The following FSD1 variants were observed in gnomAD, a reference collection of about 807,000 sequenced individuals.
FSD1 encodes fibronectin type III and SPRY domain containing 1.
In FSD1, 23 loss-of-function variants were observed where a neutral mutation model predicts 58.2. That is an observed-to-expected ratio of 0.40 (90% CI 0.28 to 0.56). FSD1 has a LOEUF of 0.56. FSD1 is among the 20% of genes least tolerant of loss of function. FSD1 has a pLI of 0.54. For synonymous variants in FSD1, 265 were observed against 263.4 expected (o/e 1.01, Z -0.06); for missense variants, 563 against 670.8 (o/e 0.84, Z 1.78).
chr19:4,317,250 T>C lies in FSD1; in HGVS notation c.769T>C (p.Phe257Leu), dbSNP rs889054088. The C allele has an allele frequency of 6.2e-7, 1 of 1,612,012 alleles. No individual in the cohort carries two copies. The highest frequency in any genetic ancestry group is 8.5e-7 in the Non-Finnish European group (1 of 1,178,348). ...CTGTAACAAGGCAGTTGCAGGAGAG[T>C]TCTCTGAGCCGGTGACTCTGGAGAC... ...KACNKAVAGE[F>L]SEPVTLETPA... The change falls in exon 8 of 13, where the codon TTC becomes CTC. Residue 257 changes from phenylalanine to leucine, a missense_variant. By Grantham distance (22) the Phe-to-Leu change is conservative (BLOSUM62 0). Transcript: ENST00000221856.
Position 4,323,480 on chromosome 19 carries a change from G to C in FSD1, c.1380+44G>C, listed in dbSNP as rs369222277. 45 of 1,599,838 alleles carry C rather than the reference G, an allele frequency of 2.8e-5. No homozygotes were observed. Among genetic ancestry groups the C allele is most frequent in the Non-Finnish European group, 3.9e-5 (45 of 1,168,786 alleles). On this transcript the variant is annotated intron_variant, in intron 12 of 12. Coordinates refer to ENST00000221856, the MANE Select transcript of FSD1 (RefSeq NM_024333.3). The surrounding 1 kb of genome is among the most constrained non-coding windows in gnomAD (Gnocchi z 7.7). Reference sequence around the variant, plus strand: ...CCCAGGGGGAGGAGAGGGTGGTGCTGGGCGCTGGGGTTTGAAGCTGAGCCC... The same window carrying C: ...CCCAGGGGGAGGAGAGGGTGGTGCTCGGCGCTGGGGTTTGAAGCTGAGCCC...
At chr19:4,308,327 G>C (rs539907136) in intron 4 of FSD1, among the ~76,000 whole-genome samples, 41 of 152,328 alleles carry the variant, frequency 2.7e-4, no homozygotes, top group Admixed American at 2.3e-3. Flanking sequence ...AGAATCGCTT[G>C]AACCTGGGAG....
At chr19:4,310,220 G>A (rs56388602) in intron 4 of FSD1, 53 bp from the exon 5 acceptor site, 108,833 of 1,606,646 alleles carry the variant, frequency 0.068, 4,145 homozygotes, top group African/African-American at 0.084. Flanking sequence ...GCAAGACTCC[G>A]TCTCAAAAAC....
chr19:4,305,513 G>T (rs1971608497), intron 1 of FSD1, among the ~76,000 whole-genome samples: 1 of 152,152 alleles, frequency 6.6e-6, no homozygotes, highest in African/African-American at 2.4e-5. Flanking sequence ...GTAGGTATCG[G>T]GTTGTAGCCT....
chr19:4,317,302 C>T, intron 8 of FSD1, 22 bp downstream of exon 8: 1 of 1,386,534 alleles, frequency 7.2e-7, no homozygotes, highest in East Asian at 2.3e-5. Context: ...CCACCCTTGT[C>T]CTACCCCTAA....
intron 3 of FSD1, 140 bp downstream of exon 3, chr19:4,306,469 T>G: frequency 1.4e-6 from 1 of 715,220 alleles, no homozygotes; most frequent in Non-Finnish European, 2.2e-6. Flanking sequence ...CTGTACACTC[T>G]CTCTTTTTTT....
Position 4,311,973 on chromosome 19 carries a change from G to C in FSD1, c.622G>C (p.Glu208Gln). 6.2e-7 allele frequency: 1 copy of C among 1,608,600 alleles called. No individual in the cohort carries two copies. ...YVLEYRRTNF[E>Q]GPPRLKEDQP... The stretch of plus-strand genomic sequence containing the variant: ...GCTGGAGTACCGGCGGACCAACTTC[G>C]AGGGCCCGCCCCGCCTCAAGGAGGA... Residue 208 changes from glutamate (E) to glutamine (Q), a missense_variant, in exon 7 of 13, where the codon GAG (glutamate) becomes CAG (glutamine). Transcript: ENST00000221856.
chr19:4,311,628 G>A (rs570558264), intron 6 of FSD1: 130 of 528,366 alleles, frequency 2.5e-4, no homozygotes, highest in Non-Finnish European at 2.7e-4. Context: ...AGGTTGCAGT[G>A]AGCCAAGATC....
At chr19:4,305,043 C>T (rs1466514558) in intron 1 of FSD1, among the ~76,000 whole-genome samples, 1 of 143,156 alleles carries the variant, frequency 7.0e-6, no homozygotes. Context: ...CACGCCCTCC[C>T]TCCTGGCCGC....
chr19:4,306,689 G>A (rs1227113859), intron 3 of FSD1, among the ~76,000 whole-genome samples: 2 of 151,884 alleles, frequency 1.3e-5, no homozygotes, highest in African/African-American at 4.8e-5. Context: ...GCTGACCTCA[G>A]GTGATCCTCC....
chr19:4,310,769 C>T (rs1219513289), intron 6 of FSD1, 173 bp downstream of exon 6: 4 of 675,970 alleles, frequency 5.9e-6, no homozygotes, highest in Non-Finnish European at 9.7e-6. Context: ...CTCATGGAGC[C>T]CCGCCCCTGG....
chr19:4,322,737 G>T (rs1235377590), intron 10 of FSD1, among the ~76,000 whole-genome samples: 1 of 152,040 alleles, frequency 6.6e-6, no homozygotes, highest in Admixed American at 6.5e-5. Flanking sequence ...GGCCCAAGGA[G>T]TATCTGGAGG....
At chr19:4,314,115 C>T (rs1971726981) in intron 7 of FSD1, among the ~76,000 whole-genome samples, 1 of 152,142 alleles carries the variant, frequency 6.6e-6, no homozygotes, top group African/African-American at 2.4e-5. Flanking sequence ...TAACTATCAC[C>T]ATTCACTAGC....
chr19:4,320,492 G>T (rs1052102080), intron 10 of FSD1, among the ~76,000 whole-genome samples: 6 of 152,126 alleles, frequency 3.9e-5, no homozygotes, highest in Admixed American at 1.3e-4. Context: ...TTGGACATGG[G>T]GAGGAACTGA....
intron 7 of FSD1, among the ~76,000 whole-genome samples, chr19:4,315,920 C>T (rs1012759395): frequency 9.9e-5 from 15 of 151,810 alleles, no homozygotes; most frequent in African/African-American, 2.7e-4. Context: ...TGAGCCACCG[C>T]GCCTAGCCAG....
chr19:4,310,606 G>GA lies in FSD1; in HGVS notation c.490+10_490+11insA, dbSNP rs540787222. ...CTCAAGTTCCTGCCTGGTGAGAGGG[G>GA]CACGCACTAGAGGGCCAGGACTTCC... On this transcript the variant is annotated intron_variant, in intron 6 of 12. Coordinates refer to ENST00000221856, the MANE Select transcript of FSD1 (RefSeq NM_024333.3). 75 of 1,610,726 alleles carry GA rather than the reference G, an allele frequency of 4.7e-5. No homozygotes were observed. In the South Asian group the frequency reaches 7.7e-4, roughly 17 times the overall value.
Position 4,312,002 on chromosome 19 carries a change from G to T in FSD1, c.651G>T (p.Gln217His), listed in dbSNP as rs372436661. Residue 217 changes from glutamine to histidine, a missense_variant, in exon 7 of 13, where the codon CAG becomes CAT. Coordinates refer to ENST00000221856, the MANE Select transcript of FSD1 (RefSeq NM_024333.3). ...GCCCGCCCCGCCTCAAGGAGGACCA[G>T]CCCTGGATGGTCATCGAGGGCATCC... The part of the protein sequence containing the change: ...FEGPPRLKED[Q>H]PWMVIEGIRQ... 5.6e-6 allele frequency: 9 copies of T among 1,613,156 alleles called. No homozygotes were observed. The highest frequency in any genetic ancestry group is 7.6e-6 in the Non-Finnish European group (9 of 1,180,036).
chr19:4,318,419 C>A lies in FSD1; in HGVS notation c.873C>A (p.Asp291Glu), dbSNP rs376149637. ...TGGATGATCTCTCCGTGGAGTGGGA[C>A]GCTATGGGCGGGAAGGTGCAGGATA... ...LRVDDLSVEW[D>E]AMGGKVQDIK... The change falls in exon 9 of 13, where the codon GAC becomes GAA. Residue 291 changes from aspartate (D) to glutamate (E), a missense_variant. Asp to Glu is a conservative substitution (Grantham distance 45, BLOSUM62 2). Transcript: ENST00000221856. The A allele has an allele frequency of 3.1e-6, 5 of 1,613,872 alleles. No individual in the cohort carries two copies. The East Asian group carries it at 1.1e-4, about 36-fold the overall frequency.
chr19:4,318,982 G>A (rs1568381712), intron 10 of FSD1, 31 bp downstream of exon 10: 2 of 1,577,278 alleles, frequency 1.3e-6, no homozygotes, highest in African/African-American at 1.3e-5. Context: ...GGGGAGAGGG[G>A]AGTTTTGGGC....
Sources: allele counts gnomAD v4.1 joint callset (sites outside exome capture counted in the v4.1 genomes callset), GRCh38; gene constraint gnomAD v4.1.1; non-coding constraint Gnocchi (gnomAD v3.1); transcripts MANE v1.5; gene names NCBI Gene and HGNC (gene_info 2026-07-23, HGNC 2026-07-21).